Variants in BDP1 observed in about 807,000 individuals in gnomAD.
BDP1 encodes transcription factor TFIIIB component B'' homolog.
A neutral mutation model predicts 266.6 loss-of-function variants in BDP1; 169 were observed. The observed-to-expected ratio is 0.63, with a 90% CI of 0.56 to 0.72. The LOEUF (loss-of-function observed/expected upper bound fraction) is 0.72. Among genes scored for constraint, BDP1 ranks in the 30% least tolerant of loss-of-function variants. The pLI is 0.00. For missense variants in BDP1, 3,015 were observed against 3,053.8 expected (o/e 0.99, Z 0.30); for synonymous variants, 1,090 against 1,022.4 (o/e 1.07, Z -1.26).
chr5:71,513,063 CAAAAAAA>C (rs34252624), intron 18 of BDP1, 115 bp from the exon 19 acceptor site: 448 of 415,794 alleles, frequency 1.1e-3, no homozygotes, highest in South Asian at 1.7e-3. Context: ...ACCCTGTCTC[CAAAAAAA>C]AAAAAAAAAA....
At chr5:71,535,782 C>T (rs1392411340) in intron 26 of BDP1, among the ~76,000 whole-genome samples, 1 of 152,046 alleles carries the variant, frequency 6.6e-6, no homozygotes, top group Non-Finnish European at 1.5e-5. Flanking sequence ...ATACTTCCAC[C>T]CTCTGCCTCC....
chr5:71,509,881 A>G lies in BDP1; in HGVS notation c.2789A>G (p.Glu930Gly). 1.2e-6 allele frequency: 2 copies of G among 1,614,064 alleles called. No homozygotes were observed. Among genetic ancestry groups the G allele is most frequent in the South Asian group, 2.2e-5 (2 of 91,080 alleles). The change falls in exon 17 of 39, where the codon GAA becomes GGA. Residue 930 changes from glutamate (E) to glycine (G), a missense_variant. Glu to Gly is a moderately conservative substitution (Grantham distance 98). This residue lies in a region of BDP1 where 2,383 missense variants were observed against 2,404.9 expected (regional missense o/e 0.99). Transcript: ENST00000358731. ...DATEEIDKDL[E>G]EAGRREISPQ... ...ACTGAGGAAATAGACAAAGATTTGG[A>G]AGAAGCTGGAAGAAGAGAAATATCC...
rs914022844 is a variant in BDP1 at position 71,512,333 on chromosome 5, C to G, written c.4152C>G (p.Phe1384Leu). Residue 1384 changes from phenylalanine (F) to leucine (L), a missense_variant, in exon 18 of 39, where the codon TTC (phenylalanine) becomes TTG (leucine). Phe to Leu is a conservative substitution (Grantham distance 22). Around this residue, in one of 3 missense-constraint regions of BDP1, gnomAD observed 2,383 missense variants for 2,404.9 expected, o/e 0.99. Transcript: ENST00000358731. ...AAGTATCAAGTCACTTCAGTCATTT[C>G]AAGATTTCTTCACAGACTCATGAAT... is the stretch of plus-strand genomic sequence containing the variant. ...EKEVSSHFSH[F>L]KISSQTHESD... is the part of the protein sequence containing the mutation. 1.2e-6 allele frequency: 2 copies of G among 1,602,402 alleles called. No homozygotes were observed. The highest frequency in any genetic ancestry group is 2.2e-5 in the East Asian group (1 of 44,594).
intron 17 of BDP1, among the ~76,000 whole-genome samples, 171 bp from the exon 18 acceptor site, chr5:71,512,070 G>C (rs572033071): frequency 6.6e-6 from 1 of 150,808 alleles, no homozygotes; most frequent in Non-Finnish European, 1.5e-5. Flanking sequence ...AACATAAAAG[G>C]GTTTCCTGAA....
intron 38 of BDP1, chr5:71,562,725 C>T: frequency 2.0e-6 from 3 of 1,471,980 alleles, no homozygotes; most frequent in Non-Finnish European, 1.8e-6. Flanking sequence ...TAGTACAGAG[C>T]CATTGAACTA....
At chr5:71,540,974 C>T (rs533831033) in intron 28 of BDP1, among the ~76,000 whole-genome samples, 1 of 152,192 alleles carries the variant, frequency 6.6e-6, no homozygotes, top group Admixed American at 6.5e-5. Flanking sequence ...GACTTTTAGG[C>T]TTGGAACCAT....
At chr5:71,533,683 C>T (rs1291188246) in intron 26 of BDP1, among the ~76,000 whole-genome samples, 10 of 151,636 alleles carry the variant, frequency 6.6e-5, no homozygotes, top group Admixed American at 1.3e-4. Context: ...AGGCTGGTCT[C>T]GTACTCCTGT....
intron 35 of BDP1, among the ~76,000 whole-genome samples, chr5:71,555,509 A>C (rs1743154069): frequency 6.7e-6 from 1 of 149,480 alleles, no homozygotes; most frequent in African/African-American, 2.5e-5. Flanking sequence ...GCGTGATCTC[A>C]GCTCACTGCA....
intron 15 of BDP1, among the ~76,000 whole-genome samples, chr5:71,503,939 C>T (rs1217903271): frequency 6.6e-6 from 1 of 151,212 alleles, no homozygotes; most frequent in Non-Finnish European, 1.5e-5. Flanking sequence ...TATGCCGTTG[C>T]ACTCTAGCGT....
At chr5:71,576,524 C>G in the BDP1 span, among the ~76,000 whole-genome samples, 1 of 152,086 alleles carries the variant, frequency 6.6e-6, no homozygotes, top group African/African-American at 2.4e-5. Flanking sequence ...CTGGCCCAAT[C>G]GCCTTCATTG....
At chr5:71,474,308 G>T (rs1029611154) in intron 7 of BDP1, among the ~76,000 whole-genome samples, 1 of 150,184 alleles carries the variant, frequency 6.7e-6, no homozygotes, top group African/African-American at 2.5e-5. Context: ...CATCACTAGA[G>T]CTGTGTCCCA....
chr5:71,455,915 T>TCAGG lies in BDP1; in HGVS notation c.40_43dup (p.Pro15GlnfsTer56). On this transcript the variant is annotated frameshift_variant, in exon 1 of 39. Transcript: ENST00000358731. LOFTEE classifies it high-confidence loss of function. ...GCACGCCTTAGCGTGAAGCCGAATG[T>TCAGG]CAGGCCTGGTGTAGGCGCCAGGGGC... 1 of 1,608,098 alleles carries TCAGG rather than the reference T, an allele frequency of 6.2e-7. No homozygotes were observed.
At chr5:71,511,618 C>T (rs533738587) in intron 17 of BDP1, among the ~76,000 whole-genome samples, 44 of 152,140 alleles carry the variant, frequency 2.9e-4, no homozygotes, top group Middle Eastern at 3.4e-3. Context: ...TTGTACTCCA[C>T]CCTGGGTGAC....
intron 28 of BDP1, 41 bp downstream of exon 28, chr5:71,539,690 T>C: frequency 7.1e-7 from 1 of 1,405,576 alleles, no homozygotes; most frequent in Non-Finnish European, 9.9e-7. Flanking sequence ...TAGAAACTTT[T>C]AAAACCTAAC....
rs113425679 is a variant in BDP1 at position 71,477,011 on chromosome 5, C to CT, written c.1014+6535dup. On this transcript the variant is annotated intron_variant, in intron 7 of 38. Coordinates refer to ENST00000358731, the MANE Select transcript of BDP1 (RefSeq NM_018429.3). ...GAGCCATCGTGCCCGGCCCCCCCAC[C>CT]TTTTTTTTTTTTTAAGTAGAGATGG... Among the ~76,000 whole-genome samples the CT allele has an allele frequency of 6.7e-3, 967 of 145,014 alleles. 12 individuals are homozygous for CT. The highest frequency in any genetic ancestry group is 0.019 in the African/African-American group (777 of 39,860).
Position 71,522,401 on chromosome 5 carries a change from GAA to G in BDP1, c.5108_5109del (p.Lys1703SerfsTer32). The G allele has an allele frequency of 6.2e-7, 1 of 1,612,486 alleles. No individual in the cohort carries two copies. The highest frequency in any genetic ancestry group is 8.5e-7 in the Non-Finnish European group (1 of 1,179,788). On this transcript the variant is annotated frameshift_variant, in exon 23 of 39. Transcript: ENST00000358731. LOFTEE classifies it high-confidence loss of function. Reference sequence around the variant, plus strand: ...CAGTAAGAAAGAGGAACCAGTTTTAGAAAAAGTCACAACAGATCAGAGCAAGG... The same window carrying G: ...CAGTAAGAAAGAGGAACCAGTTTTAGAAAGTCACAACAGATCAGAGCAAGG... ...AHSKKEEPVL[E>X]KVTTDQSKEG...
intron 36 of BDP1, among the ~76,000 whole-genome samples, chr5:71,558,842 A>G (rs546511947): frequency 6.7e-6 from 1 of 150,054 alleles, no homozygotes; most frequent in Non-Finnish European, 1.5e-5. Flanking sequence ...CAAAAAAAAA[A>G]AACAACAAAA....
intron 7 of BDP1, among the ~76,000 whole-genome samples, chr5:71,478,110 C>T (rs372070540): frequency 6.6e-6 from 1 of 152,046 alleles, no homozygotes; most frequent in Non-Finnish European, 1.5e-5. Flanking sequence ...ATTAGCCAGG[C>T]GTGGTGGCAC....
chr5:71,522,622 T>A, intron 23 of BDP1, 132 bp downstream of exon 23: 1 of 1,172,454 alleles, frequency 8.5e-7, no homozygotes, highest in Non-Finnish European at 1.2e-6. Flanking sequence ...AGTGACTTTC[T>A]AGTGTTGTAA....
Sources: allele counts gnomAD v4.1 joint callset (sites outside exome capture counted in the v4.1 genomes callset), GRCh38; gene constraint gnomAD v4.1.1; regional missense constraint gnomAD v4.1.1; transcripts MANE v1.5; gene names NCBI Gene and HGNC (gene_info 2026-07-23, HGNC 2026-07-21).